The following DNA2 variants were observed in gnomAD, a reference collection of about 807,000 sequenced individuals.
The protein encoded by DNA2 is DNA replication helicase/nuclease 2.
DNA2 carries 101 observed loss-of-function variants against 119.1 expected under a neutral mutation model. The observed-to-expected ratio is 0.85, with a 90% CI of 0.72 to 1.00. DNA2 has a LOEUF of 1.00. DNA2 is among the 50% of genes least tolerant of loss of function. DNA2 has a pLI of 0.00. For missense variants in DNA2, 1,121 were observed against 1,255.5 expected (o/e 0.89, Z 1.62); for synonymous variants, 366 against 424.4 (o/e 0.86, Z 1.69).
intron 14 of DNA2, among the ~76,000 whole-genome samples, chr10:68,426,321 T>C (rs928040723): frequency 2.7e-5 from 4 of 147,776 alleles, no homozygotes; most frequent in African/African-American, 1.0e-4. Context: ...GCGGATCACC[T>C]GAGGTCAGAA....
intron 4 of DNA2, among the ~76,000 whole-genome samples, chr10:68,463,997 G>A (rs551978246): frequency 8.1e-4 from 124 of 152,284 alleles, no homozygotes; most frequent in Non-Finnish European, 1.6e-3. Flanking sequence ...CCTCAAGCCA[G>A]AAAGCAACTG....
In DNA2 at chr10:68,453,943, G is replaced by T. The variant is rs143102286; in HGVS notation, c.720-3696C>A. On this transcript the variant is annotated intron_variant, in intron 5 of 20. Transcript: ENST00000358410. ...TAAGTTTGTGTTTTGACAAAAAAAT[G>T]TGGGATTTGATTTCAAAGATTCCTT... Among the ~76,000 whole-genome samples, 392 of 152,284 alleles carry T rather than the reference G, an allele frequency of 2.6e-3. 4 individuals are homozygous for T. Among genetic ancestry groups the T allele is most frequent in the African/African-American group, 8.7e-3 (363 of 41,566 alleles).
intron 14 of DNA2, among the ~76,000 whole-genome samples, chr10:68,426,327 C>T (rs2133369492): frequency 6.7e-6 from 1 of 150,178 alleles, no homozygotes; most frequent in South Asian, 2.1e-4. Context: ...CACCTGAGGT[C>T]AGAAGTTTGA....
At chr10:68,458,326 A>G (rs2052211975) in intron 5 of DNA2, among the ~76,000 whole-genome samples, 1 of 152,014 alleles carries the variant, frequency 6.6e-6, no homozygotes. Context: ...GAGGTCAGGC[A>G]TTCAAGACCA....
intron 8 of DNA2, 36 bp downstream of exon 8, chr10:68,444,885 C>CA: frequency 1.8e-5 from 28 of 1,572,388 alleles, no homozygotes; most frequent in Non-Finnish European, 2.4e-5. Flanking sequence ...AGTTCATACT[C>CA]AACTAGAAAT....
At chr10:68,445,435 C>T (rs926823825) in intron 7 of DNA2, among the ~76,000 whole-genome samples, 2 of 151,842 alleles carry the variant, frequency 1.3e-5, no homozygotes, top group African/African-American at 4.8e-5. Flanking sequence ...TGCACTCCAG[C>T]CTGGGTAACA....
At chr10:68,418,421 A>G (rs34011174) in intron 19 of DNA2, among the ~76,000 whole-genome samples, 5,680 of 151,940 alleles carry the variant, frequency 0.037, 155 homozygotes, top group Middle Eastern at 0.078. Context: ...CAAAAAAAAA[A>G]AAAAAAAGTA....
At chr10:68,456,032 G>A (rs2052178021) in intron 5 of DNA2, among the ~76,000 whole-genome samples, 1 of 151,896 alleles carries the variant, frequency 6.6e-6, no homozygotes, top group Non-Finnish European at 1.5e-5. Context: ...AGCCATCCTG[G>A]GTAACATGGC....
intron 12 of DNA2, 74 bp downstream of exon 12, chr10:68,432,132 G>C (rs1218355980): frequency 5.2e-6 from 6 of 1,163,500 alleles, no homozygotes; most frequent in Non-Finnish European, 7.5e-6. Flanking sequence ...GTCTAATCAA[G>C]ATATTAGACT....
chr10:68,457,532 C>G (rs932800301), intron 5 of DNA2, among the ~76,000 whole-genome samples: 1 of 152,152 alleles, frequency 6.6e-6, no homozygotes, highest in South Asian at 2.1e-4. Flanking sequence ...GCATTAATCA[C>G]AGTCTGGTCC....
intron 17 of DNA2, 55 bp from the exon 18 acceptor site, chr10:68,419,947 A>C: frequency 2.1e-6 from 3 of 1,442,968 alleles, no homozygotes; most frequent in Non-Finnish European, 2.9e-6. Flanking sequence ...GAGTACTATA[A>C]GTACGCAACT....
At chr10:68,462,826 G>T (rs2052276609) in intron 4 of DNA2, among the ~76,000 whole-genome samples, 2 of 152,152 alleles carry the variant, frequency 1.3e-5, no homozygotes, top group Admixed American at 1.3e-4. Context: ...TTAGCTGATG[G>T]TAAGCCCTCA....
At chr10:68,461,812 G>C (rs2052262710) in intron 4 of DNA2, among the ~76,000 whole-genome samples, 2 of 126,676 alleles carry the variant, frequency 1.6e-5, no homozygotes, top group South Asian at 2.7e-4. Flanking sequence ...TGGGAAACAA[G>C]AGTGAAACTC....
At chr10:68,463,725 C>A (rs1228862304) in intron 4 of DNA2, among the ~76,000 whole-genome samples, 1 of 151,474 alleles carries the variant, frequency 6.6e-6, no homozygotes, top group East Asian at 1.9e-4. Flanking sequence ...AAGGGAGCAC[C>A]ATAATAACAC....
At chr10:68,469,261 G>T (rs1050276045) in intron 2 of DNA2, among the ~76,000 whole-genome samples, 1 of 145,966 alleles carries the variant, frequency 6.9e-6, no homozygotes, top group Non-Finnish European at 1.5e-5. Context: ...AATGTACTGG[G>T]AAGGCCGGGC....
intron 5 of DNA2, among the ~76,000 whole-genome samples, chr10:68,450,495 T>C (rs2052104440): frequency 6.6e-6 from 1 of 152,210 alleles, no homozygotes; most frequent in African/African-American, 2.4e-5. Flanking sequence ...GGGTGAGGCC[T>C]AGCAATCTGT....
At chr10:68,469,924 G>T in intron 2 of DNA2, 57 bp downstream of exon 2, 2 of 1,489,398 alleles carry the variant, frequency 1.3e-6, no homozygotes, top group Non-Finnish European at 1.8e-6. Context: ...CATTTGATGA[G>T]TTTTACGACA....
chr10:68,440,310 A>T (rs117066907), intron 9 of DNA2, among the ~76,000 whole-genome samples: 5,838 of 151,808 alleles, frequency 0.038, 128 homozygotes, highest in Middle Eastern at 0.058. Flanking sequence ...TTATTTATTT[A>T]TTTTTTTGAG....
intron 3 of DNA2, among the ~76,000 whole-genome samples, chr10:68,466,924 C>T (rs114118007): frequency 0.028 from 4,227 of 151,986 alleles, 195 homozygotes; most frequent in African/African-American, 0.097. Flanking sequence ...CACAGTAGCT[C>T]ATGCCTATAG....
Sources: gnomAD v4.1 joint callset for allele counts (sites outside exome capture counted in the v4.1 genomes callset) on GRCh38, gnomAD v4.1.1 for gene constraint, MANE v1.5 for transcripts, NCBI Gene and HGNC (gene_info 2026-07-23, HGNC 2026-07-21) for gene names.